NF2: variants seen among roughly 807,000 people sequenced by gnomAD.
NF2 encodes NF2, moesin-ezrin-radixin like (MERLIN) tumor suppressor.
A neutral mutation model predicts 83.7 loss-of-function variants in NF2; 8 were observed. The ratio of observed to expected loss-of-function variants is 0.10; its 90% CI spans 0.06 to 0.17. The LOEUF (loss-of-function observed/expected upper bound fraction) is 0.17. NF2 is among the 10% of genes least tolerant of loss of function. The pLI is 1.00. For synonymous variants in NF2, 266 were observed against 269.6 expected (o/e 0.99, Z 0.13); for missense variants, 533 against 744.4 (o/e 0.72, Z 3.31).
chr22:29,678,334 C>A lies in NF2; in HGVS notation c.1574+11C>A, dbSNP rs772457573. Reference sequence around the variant, plus strand: ...GATAGAGAAAGAAAAGTATGTAGCCCCCTGTGCCCTGCTGTGGGCAGCTGT... The same window carrying A: ...GATAGAGAAAGAAAAGTATGTAGCCACCTGTGCCCTGCTGTGGGCAGCTGT... On this transcript the variant is annotated intron_variant, in intron 14 of 15. Coordinates refer to ENST00000338641, the MANE Select transcript of NF2 (RefSeq NM_000268.4). The A allele has an allele frequency of 3.1e-6, 5 of 1,612,742 alleles. No homozygotes were observed. Among genetic ancestry groups the A allele is most frequent in the Non-Finnish European group, 4.2e-6 (5 of 1,179,228 alleles).
Position 29,603,920 on chromosome 22 carries a change from G to A in NF2, c.-79G>A, listed in dbSNP as rs909222800. On this transcript the variant is annotated 5_prime_UTR_variant, in exon 1 of 16. The change creates a new upstream start codon in the 5' untranslated region. Transcript: ENST00000338641. ...GGCCACCATGGTGGCCCTGAGGCCT[G>A]TGCAGCAACTCCAGGGGGGCTAAAG... The A allele has an allele frequency of 5.2e-6, 6 of 1,156,804 alleles. No individual in the cohort carries two copies. The Admixed American group carries it at 1.0e-4, about 20-fold the overall frequency. 71.7% of individuals were successfully genotyped at this position (1,156,804 alleles called of 1,614,324 possible).
intron 6 of NF2, among the ~76,000 whole-genome samples, chr22:29,656,896 T>C (rs578236063): frequency 7.4e-6 from 1 of 134,274 alleles, no homozygotes; most frequent in Admixed American, 8.8e-5. Flanking sequence ...ATCAGTCTAA[T>C]TTTTGTAATC....
chr22:29,672,780 T>TG (rs1321829864), intron 11 of NF2, among the ~76,000 whole-genome samples: 21 of 65,598 alleles, frequency 3.2e-4, no homozygotes, highest in African/African-American at 5.8e-4. Context: ...CACATCCAGC[T>TG]TTTTTTTTTT....
At chr22:29,678,139 A>T (rs2147107341) in intron 13 of NF2, 57 bp from the exon 14 acceptor site, 1 of 1,610,200 alleles carries the variant, frequency 6.2e-7, no homozygotes, top group Admixed American at 1.7e-5. Flanking sequence ...TCAACACAGT[A>T]GTGTCCTTCT....
Position 29,695,890 on chromosome 22 carries a change from C to T in NF2, c.*1088C>T, listed in dbSNP as rs2067537863. 8.6e-6 allele frequency: 2 copies of T among 233,552 alleles called. No homozygotes were observed. Among genetic ancestry groups the T allele is most frequent in the East Asian group, 6.0e-5 (1 of 16,696 alleles). 14.5% of individuals were successfully genotyped at this position (233,552 alleles called of 1,614,324 possible). On this transcript the variant is annotated 3_prime_UTR_variant, in exon 16 of 16. Coordinates refer to ENST00000338641, the MANE Select transcript of NF2 (RefSeq NM_000268.4). The surrounding 1 kb of genome is among the most constrained non-coding windows in gnomAD (Gnocchi z 5.4). ...CTTCGGGCCCTGAATTTTCTGTTCC[C>T]TGGGGGCCAGCCAGGGCCCTTTGTG... is the stretch of plus-strand genomic sequence containing the variant.
Position 29,674,899 on chromosome 22 carries a change from C to A in NF2, c.1404C>A (p.Ala468=), listed in dbSNP as rs1392815186. 6.4e-7 allele frequency: 1 copy of A among 1,574,450 alleles called. No individual in the cohort carries two copies. Among genetic ancestry groups the A allele is most frequent in the Non-Finnish European group, 8.6e-7 (1 of 1,159,108 alleles). Residue 468 remains alanine, a synonymous_variant, in exon 13 of 16, where the codon GCC becomes GCA. Transcript: ENST00000338641. Reference sequence around the variant, plus strand: ...AAGCACGCGAGGCGGAGCGAAGAGCCAAGCAGAAGCTCCTGGAGATTGCCA... The same window carrying A: ...AAGCACGCGAGGCGGAGCGAAGAGCAAAGCAGAAGCTCCTGGAGATTGCCA... ...LQEAREAERR[A]KQKLLEIATK...
At chr22:29,640,517 A>G (rs537157163) in intron 3 of NF2, among the ~76,000 whole-genome samples, 47 of 152,168 alleles carry the variant, frequency 3.1e-4, no homozygotes, top group Non-Finnish European at 5.4e-4. Flanking sequence ...TTCTTACTGC[A>G]GGTCAGAGTG....
At chr22:29,634,892 C>A (rs187217020) in intron 1 of NF2, among the ~76,000 whole-genome samples, 7 of 152,286 alleles carry the variant, frequency 4.6e-5, no homozygotes, top group Admixed American at 2.0e-4. Flanking sequence ...GGAAGGAGAT[C>A]ATCTGTTAAA....
At chr22:29,682,878 AC>A in intron 15 of NF2, 3 of 929,780 alleles carry the variant, frequency 3.2e-6, no homozygotes, top group Admixed American at 1.9e-5. Flanking sequence ...AGCTGGAGAG[AC>A]CCCGTTCCAA....
At chr22:29,680,175 G>C (rs899551239) in intron 14 of NF2, among the ~76,000 whole-genome samples, 4 of 151,488 alleles carry the variant, frequency 2.6e-5, no homozygotes, top group Non-Finnish European at 4.4e-5. Context: ...GCAGTGGTGC[G>C]ATCTCGGCTC....
intron 1 of NF2, among the ~76,000 whole-genome samples, chr22:29,613,150 G>C (rs1340414129): frequency 6.6e-6 from 1 of 151,248 alleles, no homozygotes; most frequent in Non-Finnish European, 1.5e-5. Flanking sequence ...GGAATCGCAA[G>C]GGACCCACAA....
At position 29,697,872 on chromosome 22, in the gene NF2, C is replaced by G. The variant is rs967846060; in HGVS notation, c.*3070C>G. Reference sequence around the variant, plus strand: ...TGAGCCACCGCGCTTGGCCAGACTGCGTCCTTTTTAAGCGAACATTTTAGG... The same window carrying G: ...TGAGCCACCGCGCTTGGCCAGACTGGGTCCTTTTTAAGCGAACATTTTAGG... On this transcript the variant is annotated 3_prime_UTR_variant, in exon 16 of 16. Transcript: ENST00000338641. 5.0e-6 allele frequency: 1 copy of G among 200,844 alleles called. No individual in the cohort carries two copies. Among genetic ancestry groups the G allele is most frequent in the African/African-American group, 2.3e-5 (1 of 43,464 alleles). 12.4% of individuals were successfully genotyped at this position (200,844 alleles called of 1,614,324 possible).
At position 29,665,046 on chromosome 22, in the gene NF2, G is replaced by A. The variant is rs766554538; in HGVS notation, c.867G>A (p.Lys289=). Residue 289 remains lysine (K), a synonymous_variant, in exon 9 of 16, where the codon AAG becomes AAA. Coordinates refer to ENST00000338641, the MANE Select transcript of NF2 (RefSeq NM_000268.4). Reference sequence around the variant, plus strand: ...ATGTCTTCAAGTTTAACTCCTCAAAGCTTCGTGTTAATAAGCTGGTAAGTT... The same window carrying A: ...ATGTCTTCAAGTTTAACTCCTCAAAACTTCGTGTTAATAAGCTGGTAAGTT... ...KIDVFKFNSS[K]LRVNKLILQL... The A allele has an allele frequency of 2.5e-6, 4 of 1,613,652 alleles. No homozygotes were observed. The East Asian group carries it at 8.9e-5, about 36-fold the overall frequency.
rs2067599844 is a variant in NF2, at chr22:29,697,955, G to A, written c.*3153G>A. The A allele has an allele frequency of 4.4e-6, 1 of 225,624 alleles. No individual in the cohort carries two copies. The allele number at this position is 225,624 out of a possible 1,614,324, so 14.0% of individuals were successfully genotyped here. A position where few individuals can be genotyped will look rare whatever the true frequency, so the allele number is the denominator to read the frequency against. Reference sequence around the variant, plus strand: ...GCCCAAAGAGCAGCGTCCTGACCATGGTGGTTTCATTACGAGCCCTTCTGC... The same window carrying A: ...GCCCAAAGAGCAGCGTCCTGACCATAGTGGTTTCATTACGAGCCCTTCTGC... On this transcript the variant is annotated 3_prime_UTR_variant, in exon 16 of 16. Transcript: ENST00000338641.
rs374219104 is a variant in NF2, at chr22:29,694,846, C to A, written c.*44C>A. Reference sequence around the variant, plus strand: ...CAGGACCTGCCACTTCTCCTGCTACCGGGACCGCGGGATGGACCAGATATC... The same window carrying A: ...CAGGACCTGCCACTTCTCCTGCTACAGGGACCGCGGGATGGACCAGATATC... On this transcript the variant is annotated 3_prime_UTR_variant, in exon 16 of 16. Transcript: ENST00000338641. The surrounding 1 kb of genome is among the most constrained non-coding windows in gnomAD (Gnocchi z 4.1). The A allele has an allele frequency of 1.3e-6, 2 of 1,590,088 alleles. No individual in the cohort carries two copies. Among genetic ancestry groups the A allele is most frequent in the East Asian group, 2.3e-5 (1 of 43,956 alleles).
intron 9 of NF2, among the ~76,000 whole-genome samples, chr22:29,665,288 T>A (rs2066590203): frequency 6.6e-6 from 1 of 151,872 alleles, no homozygotes; most frequent in Non-Finnish European, 1.5e-5. Flanking sequence ...TCGCCCAGGC[T>A]GGAGTGCAGT....
intron 1 of NF2, among the ~76,000 whole-genome samples, chr22:29,630,191 C>T (rs1471181908): frequency 6.6e-6 from 1 of 152,140 alleles, no homozygotes. Context: ...CTAATGCTTC[C>T]CTGGTTAATA....
intron 4 of NF2, among the ~76,000 whole-genome samples, chr22:29,648,292 A>G (rs1395728196): frequency 2.6e-5 from 4 of 152,366 alleles, no homozygotes; most frequent in Admixed American, 6.5e-5. Context: ...AGGGCATGAA[A>G]CATGCACTTT....
At chr22:29,684,701 A>T (rs558284593) in intron 15 of NF2, among the ~76,000 whole-genome samples, 1 of 152,338 alleles carries the variant, frequency 6.6e-6, no homozygotes, top group Admixed American at 6.5e-5. Context: ...CAGTTAATCA[A>T]ACACTCGGGT....
Sources: gnomAD v4.1 joint callset for allele counts (sites outside exome capture counted in the v4.1 genomes callset) on GRCh38, gnomAD v4.1.1 for gene constraint, Gnocchi (gnomAD v3.1) non-coding constraint, MANE v1.5 for transcripts, NCBI Gene and HGNC (gene_info 2026-07-23, HGNC 2026-07-21) for gene names.